Variants in PAX8 observed in about 807,000 individuals in gnomAD.
PAX8 encodes paired box 8, also known as paired box protein Pax-8.
Under a neutral mutation model 52.4 loss-of-function variants are expected in PAX8, and 15 were observed. The observed-to-expected ratio is 0.29, with a 90% confidence interval of 0.19 to 0.44. PAX8 has a LOEUF of 0.44. Ranked by LOEUF, PAX8 falls within the 20% of genes least tolerant of loss-of-function variation. The pLI is 1.00. For missense variants in PAX8, 554 were observed against 602.5 expected (o/e 0.92, Z 0.84); for synonymous variants, 284 against 249.7 (o/e 1.14, Z -1.29).
At chr2:113,250,837 G>A (rs1573489712) in intron 2 of PAX8, 1 of 152,202 alleles carries the variant, frequency 6.6e-6, no homozygotes, top group Admixed American at 6.5e-5. Flanking sequence ...CGAACCTTTT[G>A]GGGGATATGA....
Position 113,236,586 on chromosome 2 carries a change from C to T in PAX8, c.898+15G>A. 1 of 1,556,914 alleles carries T rather than the reference C, an allele frequency of 6.4e-7. No individual in the cohort carries two copies. Among genetic ancestry groups the T allele is most frequent in the Admixed American group, 1.9e-5 (1 of 51,824 alleles). ...CCCCGCCCTCCACCTGCCAGGGAGG[C>T]TCCGGGCGTTGTACCTGCCACCACG... On this transcript the variant is annotated intron_variant, in intron 8 of 11. Coordinates refer to ENST00000429538, the MANE Select transcript of PAX8 (RefSeq NM_003466.4).
chr2:113,241,984 C>G, intron 6 of PAX8, 24 bp downstream of exon 6: 2 of 1,612,632 alleles, frequency 1.2e-6, no homozygotes, highest in Non-Finnish European at 1.7e-6. Context: ...GCACCGCCCG[C>G]TGCCCTCCTG....
At chr2:113,255,994 T>TAAAAA (rs33968693) in intron 2 of PAX8, among the ~76,000 whole-genome samples, 4 of 135,310 alleles carry the variant, frequency 3.0e-5, no homozygotes, top group African/African-American at 1.1e-4. Flanking sequence ...GCTCAATCAG[T>TAAAAA]AAAAAAAAAA....
At chr2:113,242,616 CTG>C (rs1690955910) in intron 5 of PAX8, 72 bp downstream of exon 5, 3 of 977,374 alleles carry the variant, frequency 3.1e-6, no homozygotes, top group Non-Finnish European at 5.0e-6. Flanking sequence ...GTGTGTGCCT[CTG>C]TGTATATGTG....
intron 10 of PAX8, among the ~76,000 whole-genome samples, chr2:113,221,087 AT>A (rs775291010): frequency 6.6e-6 from 1 of 152,216 alleles, no homozygotes; most frequent in Non-Finnish European, 1.5e-5. Context: ...AGACTACCCC[AT>A]GAGGTACTCA....
intron 9 of PAX8, among the ~76,000 whole-genome samples, chr2:113,232,212 C>G (rs1328783744): frequency 2.0e-5 from 3 of 152,214 alleles, no homozygotes; most frequent in Non-Finnish European, 4.4e-5. Flanking sequence ...GGTGGACAGT[C>G]TGTAAGGAGC....
At chr2:113,235,707 G>C in intron 8 of PAX8, 125 bp from the exon 9 acceptor site, 1 of 724,758 alleles carries the variant, frequency 1.4e-6, no homozygotes, top group African/African-American at 1.8e-5. Context: ...GCTGCCCTCA[G>C]AGTCTGGGCT....
chr2:113,261,948 G>C (rs1476837724), intron 2 of PAX8, among the ~76,000 whole-genome samples: 1 of 151,766 alleles, frequency 6.6e-6, no homozygotes, highest in African/African-American at 2.4e-5. Context: ...CCTGCCTTCA[G>C]CTTCCCAAGC....
chr2:113,226,200 C>A, intron 10 of PAX8: 2 of 985,370 alleles, frequency 2.0e-6, no homozygotes, highest in Non-Finnish European at 2.4e-6. Flanking sequence ...CTCCTGCCGG[C>A]AAGGAAGGGA....
chr2:113,248,026 T>G (rs1286080715), intron 2 of PAX8, among the ~76,000 whole-genome samples: 1 of 151,890 alleles, frequency 6.6e-6, no homozygotes, highest in African/African-American at 2.4e-5. Context: ...ACTAGCCAAG[T>G]GAGGGAGAGA....
Position 113,242,049 on chromosome 2 carries a change from C to G in PAX8, c.560G>C (p.Gly187Ala). Reference protein sequence around the residue: ...GSTYSINGLLGIAQPGSDKRK... With the variant: ...GSTYSINGLLAIAQPGSDKRK... ...CTTGTCGCTGCCAGGCTGAGCGATG[C>G]CCAGGAGCCCATTGATGGAGTAGGT... The change falls in exon 6 of 12, where the codon GGC becomes GCC. Residue 187 changes from glycine to alanine, a missense_variant. Coordinates refer to ENST00000429538, the MANE Select transcript of PAX8 (RefSeq NM_003466.4). 1.2e-6 allele frequency: 2 copies of G among 1,613,668 alleles called. No homozygotes were observed. Among genetic ancestry groups the G allele is most frequent in the South Asian group, 2.2e-5 (2 of 90,926 alleles).
At position 113,222,626 on chromosome 2, in the gene PAX8, G is replaced by A. The variant is rs148111584; in HGVS notation, c.1190-2448C>T. On this transcript the variant is annotated intron_variant, in intron 10 of 11. Transcript: ENST00000429538. ...AGGATTTGGCCGCTCCAATGATCCC[G>A]TTTTCTGTTTCATCAGTCTCTCCCT... 5.3e-3 allele frequency among the ~76,000 whole-genome samples: 799 copies of A among 152,186 alleles called. 10 individuals carry two copies. Among genetic ancestry groups the A allele is most frequent in the African/African-American group, 0.018 (763 of 41,518 alleles).
intron 2 of PAX8, among the ~76,000 whole-genome samples, chr2:113,247,636 G>T (rs1474436668): frequency 6.6e-6 from 1 of 152,212 alleles, no homozygotes; most frequent in South Asian, 2.1e-4. Context: ...ATCTATCCAC[G>T]TCATGGATGT....
In PAX8 at chr2:113,249,814, G is replaced by A. The variant is rs1041676563; in HGVS notation, c.26-2895C>T. ...ATTTGACTGTCTTCTGAATGACTTT[G>A]TGTTACTGTGGAAAGAGTCTTGGGC... On this transcript the variant is annotated intron_variant, in intron 2 of 11. Coordinates refer to ENST00000429538, the MANE Select transcript of PAX8 (RefSeq NM_003466.4). Among the ~76,000 whole-genome samples, 7 of 152,252 alleles carry A rather than the reference G, an allele frequency of 4.6e-5. No homozygotes were observed. The South Asian group carries it at 1.0e-3, about 23-fold the overall frequency.
intron 10 of PAX8, chr2:113,226,056 A>G (rs1689549615): frequency 1.0e-6 from 1 of 985,790 alleles, no homozygotes; most frequent in Non-Finnish European, 1.2e-6. Flanking sequence ...AACAAGTGCC[A>G]GCTCAGCAGG....
chr2:113,254,200 T>G (rs1692018644), intron 2 of PAX8, among the ~76,000 whole-genome samples: 1 of 152,256 alleles, frequency 6.6e-6, no homozygotes, highest in East Asian at 1.9e-4. Context: ...CCATTCTACA[T>G]GTATTTTATA....
At chr2:113,235,741 C>A in intron 8 of PAX8, 159 bp from the exon 9 acceptor site, 1 of 596,342 alleles carries the variant, frequency 1.7e-6, no homozygotes, top group Non-Finnish European at 2.9e-6. Context: ...GCCCACGAGG[C>A]GTGGCAAGGC....
intron 4 of PAX8, 24 bp from the exon 5 acceptor site, chr2:113,242,802 A>T (rs753075943): frequency 6.3e-7 from 1 of 1,584,656 alleles, no homozygotes. Context: ...AAGAAAGGCC[A>T]TGAGAGAGAA....
chr2:113,241,580 C>T lies in PAX8; in HGVS notation c.748G>A (p.Ala250Thr). 1.9e-6 allele frequency: 3 copies of T among 1,609,378 alleles called. No homozygotes were observed. The highest frequency in any genetic ancestry group is 2.5e-6 in the Non-Finnish European group (3 of 1,178,904). Residue 250 changes from alanine (A) to threonine (T), a missense_variant, in exon 7 of 12, where the codon GCC becomes ACC. Physicochemically the swap from Ala to Thr is moderately conservative, Grantham distance 58. This residue lies in a region of PAX8 where 445 missense variants were observed against 409.9 expected (regional missense o/e 1.09). Coordinates refer to ENST00000429538, the MANE Select transcript of PAX8 (RefSeq NM_003466.4). ...TCGCCTTTGGTGTGGCTGGGGGAGG[C>T]ATAGGCCTCTGGGTAGTGCTGCCGC... ...FERQHYPEAY[A>T]SPSHTKGEQG...
Sources: allele counts gnomAD v4.1 joint callset (sites outside exome capture counted in the v4.1 genomes callset), GRCh38; gene constraint gnomAD v4.1.1; regional missense constraint gnomAD v4.1.1; transcripts MANE v1.5; gene names NCBI Gene and HGNC (gene_info 2026-07-23, HGNC 2026-07-21).